AP2S1: variants seen among roughly 807,000 people sequenced by gnomAD.
AP2S1 encodes AP-2 complex subunit sigma.
A neutral mutation model predicts 21.0 loss-of-function variants in AP2S1; 6 were observed. That is an observed-to-expected ratio of 0.29 (90% CI 0.16 to 0.56). The LOEUF (loss-of-function observed/expected upper bound fraction) is 0.56. AP2S1 is among the 20% of genes least tolerant of loss of function. AP2S1 has a pLI of 0.92. For missense variants in AP2S1, 60 were observed against 186.2 expected, an observed-to-expected ratio of 0.32 and a Z score of 3.95; for synonymous variants, 63 against 74.6, an observed-to-expected ratio of 0.84 and a Z score of 0.80.
intron 2 of AP2S1, among the ~76,000 whole-genome samples, chr19:46,842,358 T>C (rs1425640140): frequency 2.6e-5 from 4 of 152,108 alleles, no homozygotes; most frequent in Non-Finnish European, 4.4e-5. Flanking sequence ...TGTCACTGTC[T>C]AGGACAGGCT....
At chr19:46,850,188 C>G in intron 1 of AP2S1, 1 of 1,232,628 alleles carries the variant, frequency 8.1e-7, no homozygotes, top group African/African-American at 1.5e-5. Context: ...GTTTCATTCC[C>G]TACAGTTGCC....
In AP2S1 at chr19:46,839,575, G is replaced by A; in HGVS notation, c.157C>T (p.Arg53Trp). 1 of 1,614,130 alleles carries A rather than the reference G, an allele frequency of 6.2e-7. No homozygotes were observed. The highest frequency in any genetic ancestry group is 8.5e-7 in the Non-Finnish European group (1 of 1,180,020). The change falls in exon 3 of 5, where the codon CGG becomes TGG. Residue 53 changes from arginine (R) to tryptophan (W), a missense_variant. Physicochemically the swap from Arg to Trp is moderately radical, Grantham distance 101. Transcript: ENST00000263270. ...DAKHTNFVEF[R>W]NFKIIYRRYA... Reference sequence around the variant, plus strand: ...CGGCGGTAAATGATCTTAAAGTTCCGGAACTGCAGAACAGAGAGGCTGTCA... The same window carrying A: ...CGGCGGTAAATGATCTTAAAGTTCCAGAACTGCAGAACAGAGAGGCTGTCA...
intron 2 of AP2S1, among the ~76,000 whole-genome samples, chr19:46,841,346 C>G (rs760905217): frequency 3.3e-5 from 5 of 152,196 alleles, no homozygotes; most frequent in Non-Finnish European, 5.9e-5. Context: ...TGCAATCCAG[C>G]TTTTCTGGCT....
At position 46,844,035 on chromosome 19, in the gene AP2S1, C is replaced by T. The variant is rs189783085; in HGVS notation, c.153+1958G>A. ...AAGCGATTCTCCTGCTTCAGCCTCC[C>T]GAGTAGCTGGGACTACAGGCACCCA... On this transcript the variant is annotated intron_variant, in intron 2 of 4. Coordinates refer to ENST00000263270, the MANE Select transcript of AP2S1 (RefSeq NM_004069.6). 1.6e-4 allele frequency among the ~76,000 whole-genome samples: 24 copies of T among 152,154 alleles called. 1 individual carries two copies. The highest frequency in any genetic ancestry group is 1.4e-3 in the Admixed American group (21 of 15,280).
intron 2 of AP2S1, among the ~76,000 whole-genome samples, chr19:46,844,270 T>C (rs557077009): frequency 6.6e-6 from 1 of 152,248 alleles, no homozygotes; most frequent in East Asian, 1.9e-4. Flanking sequence ...CCTGCAGCCC[T>C]GCACCAAGAG....
At chr19:46,848,083 T>C (rs781714050) in intron 1 of AP2S1, among the ~76,000 whole-genome samples, 20 of 152,064 alleles carry the variant, frequency 1.3e-4, no homozygotes, top group Non-Finnish European at 2.5e-4. Context: ...TAAAGGATAT[T>C]CCTGGCCGGT....
chr19:46,847,297 G>A (rs1374202095), intron 1 of AP2S1, among the ~76,000 whole-genome samples: 3 of 150,396 alleles, frequency 2.0e-5, no homozygotes, highest in Non-Finnish European at 4.4e-5. Flanking sequence ...GCAGTGGCGC[G>A]ATCCCGCCTC....
At chr19:46,850,019 A>G in intron 1 of AP2S1, 1 of 947,142 alleles carries the variant, frequency 1.1e-6, no homozygotes, top group Non-Finnish European at 1.4e-6. Flanking sequence ...CTTTGCCCCA[A>G]CAAAGATTCC....
rs563483204 is a variant in AP2S1, at chr19:46,838,639, G to C, written c.328-91C>G. On this transcript the variant is annotated intron_variant, in intron 4 of 4. Coordinates refer to ENST00000263270, the MANE Select transcript of AP2S1 (RefSeq NM_004069.6). This position sits in a 1 kb window ranked among gnomAD's most constrained non-coding sequence, Gnocchi z 4.1. The stretch of plus-strand genomic sequence containing the variant: ...TGGGGCTCTGATGCCCCTCGAGCTG[G>C]GACACAGACCTCAGCAGAGGCTCCG... 9 of 1,569,392 alleles carry C rather than the reference G, an allele frequency of 5.7e-6. No homozygotes were observed. Among genetic ancestry groups the C allele is most frequent in the Non-Finnish European group, 7.0e-6 (8 of 1,140,914 alleles).
chr19:46,840,068 G>A (rs1370240919), intron 2 of AP2S1, among the ~76,000 whole-genome samples: 35 of 152,076 alleles, frequency 2.3e-4, no homozygotes, highest in Admixed American at 2.3e-3. Flanking sequence ...TTCCTGAGCA[G>A]CTACTCTATG....
In AP2S1 at chr19:46,838,225, C is replaced by A. The variant is rs909335483; in HGVS notation, c.*222G>T. On this transcript the variant is annotated 3_prime_UTR_variant, in exon 5 of 5. Coordinates refer to ENST00000263270, the MANE Select transcript of AP2S1 (RefSeq NM_004069.6). The surrounding 1 kb of genome is among the most constrained non-coding windows in gnomAD (Gnocchi z 4.1). ...ACGCACAGACGCTTATGGCATCACACGACAACGGCACGGTTACTCGGGACA... is the reference window on the plus strand; with the variant it reads ...ACGCACAGACGCTTATGGCATCACAAGACAACGGCACGGTTACTCGGGACA... 2 of 581,554 alleles carry A rather than the reference C, an allele frequency of 3.4e-6. No individual in the cohort carries two copies. Among genetic ancestry groups the A allele is most frequent in the Non-Finnish European group, 3.1e-6 (1 of 324,452 alleles). The allele number at this position is 581,554 out of a possible 1,614,324, so 36.0% of individuals were successfully genotyped here.
chr19:46,850,692 C>T, intron 1 of AP2S1, 72 bp downstream of exon 1: 1 of 1,348,348 alleles, frequency 7.4e-7, no homozygotes, highest in Non-Finnish European at 1.1e-6. Flanking sequence ...CTTGTCAGCG[C>T]CCGATCCAGC....
intron 2 of AP2S1, 80 bp from the exon 3 acceptor site, chr19:46,839,658 C>T (rs762990586): frequency 5.9e-5 from 94 of 1,602,604 alleles, no homozygotes; most frequent in Admixed American, 8.5e-5. Flanking sequence ...AACATTCACT[C>T]CTTCACTCCA....
chr19:46,842,666 C>T (rs571806398), intron 2 of AP2S1, among the ~76,000 whole-genome samples: 8 of 152,094 alleles, frequency 5.3e-5, no homozygotes, highest in Admixed American at 4.6e-4. Context: ...CAGGACCAGC[C>T]ACTACATTAG....
intron 1 of AP2S1, among the ~76,000 whole-genome samples, chr19:46,848,993 G>T (rs1235935811): frequency 6.9e-6 from 1 of 145,484 alleles, no homozygotes; most frequent in Non-Finnish European, 1.5e-5. Flanking sequence ...TTACAGGCGC[G>T]AGTCACTGTG....
chr19:46,841,233 C>T (rs1004559542), intron 2 of AP2S1, among the ~76,000 whole-genome samples: 19 of 152,144 alleles, frequency 1.2e-4, no homozygotes, highest in Admixed American at 5.2e-4. Context: ...GGATTACAGG[C>T]GTGAGCCCAG....
chr19:46,838,389 G>T lies in AP2S1; in HGVS notation c.*58C>A. On this transcript the variant is annotated 3_prime_UTR_variant, in exon 5 of 5. Transcript: ENST00000263270. This position sits in a 1 kb window ranked among gnomAD's most constrained non-coding sequence, Gnocchi z 4.1. The stretch of plus-strand genomic sequence containing the variant: ...GCTGGGTTGGCCACGGGCCTGGGAA[G>T]GGGAAGCGAGCAGGCGAGTCCAGGA... 1 of 1,557,776 alleles carries T rather than the reference G, an allele frequency of 6.4e-7. No homozygotes were observed. Among genetic ancestry groups the T allele is most frequent in the South Asian group, 1.1e-5 (1 of 89,424 alleles).
At chr19:46,844,531 C>T (rs1303222306) in intron 2 of AP2S1, among the ~76,000 whole-genome samples, 1 of 152,210 alleles carries the variant, frequency 6.6e-6, no homozygotes, top group Non-Finnish European at 1.5e-5. Context: ...GGCGCAGTGG[C>T]TCATGCCTGT....
At chr19:46,841,377 G>A (rs1407211292) in intron 2 of AP2S1, among the ~76,000 whole-genome samples, 1 of 152,180 alleles carries the variant, frequency 6.6e-6, no homozygotes, top group Non-Finnish European at 1.5e-5. Context: ...TCCGCCTCCA[G>A]CTACTGCTCC....
Sources: gnomAD v4.1 joint callset for allele counts (sites outside exome capture counted in the v4.1 genomes callset) on GRCh38, gnomAD v4.1.1 for gene constraint, Gnocchi (gnomAD v3.1) non-coding constraint, MANE v1.5 for transcripts, NCBI Gene and HGNC (gene_info 2026-07-23, HGNC 2026-07-21) for gene names.